JAK3: variants seen among roughly 807,000 people sequenced by gnomAD.
JAK3 encodes tyrosine-protein kinase JAK3.
Under a neutral mutation model 120.8 loss-of-function variants are expected in JAK3, and 88 were observed. That is an observed-to-expected ratio of 0.73 (90% confidence interval 0.61 to 0.87). The LOEUF (loss-of-function observed/expected upper bound fraction) is 0.87, where lower values mean the gene tolerates loss of function less well. Ranked by LOEUF, JAK3 falls within the 40% of genes least tolerant of loss-of-function variation. The probability of loss-of-function intolerance (pLI) is 0.00; values close to 1 mark genes in which losing one functional copy is unlikely to be tolerated. For missense variants in JAK3, 1,254 were observed against 1,501.4 expected, an observed-to-expected ratio of 0.84 and a Z score of 2.72; for synonymous variants, 592 against 628.6, an observed-to-expected ratio of 0.94 and a Z score of 0.87.
intron 23 of JAK3, among the ~76,000 whole-genome samples, chr19:17,827,833 C>T (rs1415206634): frequency 6.9e-6 from 1 of 144,612 alleles, no homozygotes; most frequent in East Asian, 2.1e-4. Flanking sequence ...ACCTGGGAGG[C>T]GGAAGTTGTG....
At chr19:17,847,648 C>T (rs1443875830) in intron 1 of JAK3, among the ~76,000 whole-genome samples, 1 of 152,146 alleles carries the variant, frequency 6.6e-6, no homozygotes, top group Non-Finnish European at 1.5e-5. Flanking sequence ...CCCCCAATCC[C>T]TCCTTCCCAA....
rs2094233493 is a variant in JAK3, at chr19:17,839,750, T to C, written c.1255-87A>G. The C allele has an allele frequency of 2.4e-6, 3 of 1,276,126 alleles. No homozygotes were observed. In the East Asian group the frequency reaches 7.5e-5, roughly 32 times the overall value. 79.1% of individuals were successfully genotyped at this position (1,276,126 alleles called of 1,614,324 possible). Reference sequence around the variant, plus strand: ...CTTCCTTTTTTTTCTTTTTTTTTTTTTTTTTTTGGAGACGGAGTCTGGCTC... The same window carrying C: ...CTTCCTTTTTTTTCTTTTTTTTTTTCTTTTTTTGGAGACGGAGTCTGGCTC... On this transcript the variant is annotated intron_variant, in intron 9 of 23. Coordinates refer to ENST00000458235, the MANE Select transcript of JAK3 (RefSeq NM_000215.4).
At position 17,835,937 on chromosome 19, in the gene JAK3, G is replaced by C. The variant is rs746090112; in HGVS notation, c.1901C>G (p.Ala634Gly). The C allele has an allele frequency of 1.2e-6, 2 of 1,613,870 alleles. No homozygotes were observed. Among genetic ancestry groups the C allele is most frequent in the Non-Finnish European group, 1.7e-6 (2 of 1,180,052 alleles). The change falls in exon 14 of 24, where the codon GCC (alanine) becomes GGC (glycine). Residue 634 changes from alanine to glycine, a missense_variant. By Grantham distance (60) the Ala-to-Gly change is moderately conservative. Coordinates refer to ENST00000458235, the MANE Select transcript of JAK3 (RefSeq NM_000215.4). ...KLQVVKQLAY[A>G]LNYLEDKGLP... ...AGGAGCACTCACCAGATAGTTGAGG[G>C]CGTAGGCCAGCTGTTTGACCACCTG...
chr19:17,844,608 G>A, intron 1 of JAK3, 178 bp from the exon 2 acceptor site: 1 of 604,886 alleles, frequency 1.7e-6, no homozygotes, highest in Non-Finnish European at 2.9e-6. Flanking sequence ...AGACCTGCCT[G>A]GCCAACATGG....
At position 17,841,799 on chromosome 19, in the gene JAK3, CT is replaced by C. The variant is rs1321114071; in HGVS notation, c.862-38del. 1 of 1,598,254 alleles carries C rather than the reference CT, an allele frequency of 6.3e-7. No individual in the cohort carries two copies. The highest frequency in any genetic ancestry group is 1.3e-5 in the African/African-American group (1 of 74,818). ...GGGGAGTACCGAAGTGGGGGCCCAGCTGGACCCCGCCAAACCACGCCCATGA... is the reference window on the plus strand; with the variant it reads ...GGGGAGTACCGAAGTGGGGGCCCAGCGGACCCCGCCAAACCACGCCCATGA... On this transcript the variant is annotated intron_variant, in intron 6 of 23. Coordinates refer to ENST00000458235, the MANE Select transcript of JAK3 (RefSeq NM_000215.4). The surrounding 1 kb of genome is among the most constrained non-coding windows in gnomAD (Gnocchi z 4.1).
rs2094220561 is a variant in JAK3 at position 17,834,645 on chromosome 19, C to T, written c.2276G>A (p.Cys759Tyr). The part of the protein sequence containing the change: ...WTELALLIQQ[C>Y]MAYEPVQRPS... ...CCTCTGGACCGGCTCATAGGCCATGCACTGTTGAATCAGCAGGGCCAGCTC... is the reference window on the plus strand; with the variant it reads ...CCTCTGGACCGGCTCATAGGCCATGTACTGTTGAATCAGCAGGGCCAGCTC... The change falls in exon 17 of 24, where the codon TGC becomes TAC. Residue 759 changes from cysteine (C) to tyrosine (Y), a missense_variant. Physicochemically the swap from Cys to Tyr is radical, Grantham distance 194. This residue lies in a region of JAK3 where 630 missense variants were observed against 819.8 expected (regional missense o/e 0.77). Coordinates refer to ENST00000458235, the MANE Select transcript of JAK3 (RefSeq NM_000215.4). 1 of 1,613,974 alleles carries T rather than the reference C, an allele frequency of 6.2e-7. No homozygotes were observed.
In JAK3 at chr19:17,825,753, T is replaced by A. The variant is rs1163731739; in HGVS notation, c.*990A>T. 6.4e-6 allele frequency: 1 copy of A among 157,158 alleles called. No homozygotes were observed. The highest frequency in any genetic ancestry group is 1.4e-5 in the Non-Finnish European group (1 of 70,930). 9.7% of individuals were successfully genotyped at this position (157,158 alleles called of 1,614,324 possible). On this transcript the variant is annotated 3_prime_UTR_variant, in exon 24 of 24. Coordinates refer to ENST00000458235, the MANE Select transcript of JAK3 (RefSeq NM_000215.4). Reference sequence around the variant, plus strand: ...CGTCTCTACTAAAAATACAAAAAATTAGCCGGGTGTGGTGGCGGGCGCCTG... The same window carrying A: ...CGTCTCTACTAAAAATACAAAAAATAAGCCGGGTGTGGTGGCGGGCGCCTG...
At chr19:17,828,214 C>T (rs2094207614) in intron 23 of JAK3, among the ~76,000 whole-genome samples, 1 of 131,462 alleles carries the variant, frequency 7.6e-6, no homozygotes, top group Non-Finnish European at 1.6e-5. Context: ...TTATCACTAC[C>T]ATAATTTTGT....
At position 17,839,524 on chromosome 19, in the gene JAK3, T is replaced by C; in HGVS notation, c.1394A>G (p.Asp465Gly). ...GGAAGTGAGGGTCACTGCCACCCCA[T>C]CTACGTGCAGCCCCCCATCCCAGCA... The part of the protein sequence containing the change: ...ATCWDGGLHV[D>G]GVAVTLTSCC... The change falls in exon 10 of 24, where the codon GAT (aspartate) becomes GGT (glycine). Residue 465 changes from aspartate to glycine, a missense_variant. By Grantham distance (94) the Asp-to-Gly change is moderately conservative. Around this residue, in one of 3 missense-constraint regions of JAK3, gnomAD observed 486 missense variants for 503.0 expected, o/e 0.97. Coordinates refer to ENST00000458235, the MANE Select transcript of JAK3 (RefSeq NM_000215.4). 6.2e-7 allele frequency: 1 copy of C among 1,600,412 alleles called. No homozygotes were observed. Among genetic ancestry groups the C allele is most frequent in the Non-Finnish European group, 8.5e-7 (1 of 1,173,536 alleles).
At position 17,831,810 on chromosome 19, in the gene JAK3, AG is replaced by A; in HGVS notation, c.2681-13del. 1 of 1,612,650 alleles carries A rather than the reference AG, an allele frequency of 6.2e-7. No homozygotes were observed. Among genetic ancestry groups the A allele is most frequent in the Non-Finnish European group, 8.5e-7 (1 of 1,179,784 alleles). On this transcript the variant is annotated splice_polypyrimidine_tract_variant and intron_variant, in intron 19 of 23. Transcript: ENST00000458235. The surrounding 1 kb of genome is among the most constrained non-coding windows in gnomAD (Gnocchi z 5.1). ...CAGGCTCTGGCGGCCTGGAGAAGGC[AG>A]GATCTGTCACAGCAGGGCCCAGCCC...
chr19:17,842,494 T>A lies in JAK3; in HGVS notation c.683A>T (p.Gln228Leu). 1 of 1,599,394 alleles carries A rather than the reference T, an allele frequency of 6.3e-7. No homozygotes were observed. Among genetic ancestry groups the A allele is most frequent in the Non-Finnish European group, 8.5e-7 (1 of 1,173,780 alleles). ...GGCCATGAGCGAGTGCCGGTCTGCCTGGCAGGCGGCCACGCGGCGCAGGGC... is the reference window on the plus strand; with the variant it reads ...GGCCATGAGCGAGTGCCGGTCTGCCAGGCAGGCGGCCACGCGGCGCAGGGC... ...RRALRRVAAC[Q>L]ADRHSLMAKY... Residue 228 changes from glutamine (Q) to leucine (L), a missense_variant, in exon 6 of 24, where the codon CAG (glutamine) becomes CTG (leucine). By Grantham distance (113) the Gln-to-Leu change is moderately radical. Coordinates refer to ENST00000458235, the MANE Select transcript of JAK3 (RefSeq NM_000215.4). The surrounding 1 kb of genome is among the most constrained non-coding windows in gnomAD (Gnocchi z 6.4).
rs753824471 is a variant in JAK3 at position 17,826,787 on chromosome 19, T to C, written c.3331A>G (p.Thr1111Ala). 1.9e-6 allele frequency: 3 copies of C among 1,613,862 alleles called. No individual in the cohort carries two copies. The highest frequency in any genetic ancestry group is 1.7e-6 in the Non-Finnish European group (2 of 1,179,978). Residue 1111 changes from threonine to alanine, a missense_variant, in exon 24 of 24, where the codon ACT becomes GCT. Thr to Ala is a moderately conservative substitution (Grantham distance 58, BLOSUM62 0). Around this residue, in one of 3 missense-constraint regions of JAK3, gnomAD observed 630 missense variants for 819.8 expected, o/e 0.77. Transcript: ENST00000458235. ...GSRGCETHAFTAHPEGKHHSL... is the reference protein window; with the variant it reads ...GSRGCETHAFAAHPEGKHHSL... ...TGGTGTTTGCCCTCTGGGTGAGCAGTGAAGGCATGAGTCTCACACCCCCGG... is the reference window on the plus strand; with the variant it reads ...TGGTGTTTGCCCTCTGGGTGAGCAGCGAAGGCATGAGTCTCACACCCCCGG...
At chr19:17,834,489 T>C in intron 17 of JAK3, 82 bp downstream of exon 17, 2 of 1,524,880 alleles carry the variant, frequency 1.3e-6, no homozygotes, top group South Asian at 2.3e-5. Flanking sequence ...ACACAGGGCG[T>C]GGCCTGCTGC....
rs1442263091 is a variant in JAK3, at chr19:17,834,506, C to T, written c.2350+65G>A. 79 of 1,598,844 alleles carry T rather than the reference C, an allele frequency of 4.9e-5. 1 individual carries two copies. The East Asian group carries it at 8.3e-4, about 17-fold the overall frequency. ...ACAGGGCGTGGCCTGCTGCAAACCA[C>T]GCTCCTTCCACTGGGCCCAATATGA... On this transcript the variant is annotated intron_variant, in intron 17 of 23. Coordinates refer to ENST00000458235, the MANE Select transcript of JAK3 (RefSeq NM_000215.4).
At position 17,842,261 on chromosome 19, in the gene JAK3, C is replaced by CA; in HGVS notation, c.861+54_861+55insT. 1.0e-5 allele frequency: 15 copies of CA among 1,443,560 alleles called. No individual in the cohort carries two copies. Among genetic ancestry groups the CA allele is most frequent in the African/African-American group, 1.4e-5 (1 of 70,498 alleles). 89.4% of individuals were successfully genotyped at this position (1,443,560 alleles called of 1,614,324 possible). A position where few individuals can be genotyped will look rare whatever the true frequency, so the allele number is the denominator to read the frequency against. Reference sequence around the variant, plus strand: ...CACATCCCCTACCACTCTCCGGCCCCTCCCCGAGCCCCGCCCCCACGTTGG... The same window carrying CA: ...CACATCCCCTACCACTCTCCGGCCCCATCCCCGAGCCCCGCCCCCACGTTGG... On this transcript the variant is annotated intron_variant, in intron 6 of 23. Transcript: ENST00000458235. This position sits in a 1 kb window ranked among gnomAD's most constrained non-coding sequence, Gnocchi z 6.4.
In JAK3 at chr19:17,843,668, T is replaced by G; in HGVS notation, c.308+109A>C. 2.1e-6 allele frequency: 3 copies of G among 1,423,350 alleles called. No homozygotes were observed. Among genetic ancestry groups the G allele is most frequent in the Non-Finnish European group, 3.0e-6 (3 of 1,008,082 alleles). The allele number at this position is 1,423,350 out of a possible 1,614,324, so 88.2% of individuals were successfully genotyped here. A position where few individuals can be genotyped will look rare whatever the true frequency, so the allele number is the denominator to read the frequency against. On this transcript the variant is annotated intron_variant, in intron 3 of 23. Transcript: ENST00000458235. This position sits in a 1 kb window ranked among gnomAD's most constrained non-coding sequence, Gnocchi z 5.4. Reference sequence around the variant, plus strand: ...ACCCTCTCTGGTCTGTTTCCTCATCTGAGAAATGGGTAGTGACCATACCTC... The same window carrying G: ...ACCCTCTCTGGTCTGTTTCCTCATCGGAGAAATGGGTAGTGACCATACCTC...
At position 17,835,962 on chromosome 19, in the gene JAK3, G is replaced by A. The variant is rs2147684182; in HGVS notation, c.1876C>T (p.Gln626Ter). 3 of 1,614,088 alleles carry A rather than the reference G, an allele frequency of 1.9e-6. No homozygotes were observed. The highest frequency in any genetic ancestry group is 2.5e-6 in the Non-Finnish European group (3 of 1,180,032). The part of the protein sequence containing the change: ...GHLVPASWKL[Q>*]VVKQLAYALN... ...GCGTAGGCCAGCTGTTTGACCACCT[G>A]CAGCTTCCAGCTGGCTGGCACCAGG... Residue 626 changes from glutamine (Q) to a stop codon, truncating the protein, a stop_gained, in exon 14 of 24, where the codon CAG becomes TAG. Coordinates refer to ENST00000458235, the MANE Select transcript of JAK3 (RefSeq NM_000215.4). LOFTEE classifies it high-confidence loss of function.
chr19:17,825,360 C>T lies in JAK3; in HGVS notation c.*1383G>A. ...AAGTTCCTGCCAGGTTTGGTGTCAT[C>T]CCTTTGTGCCCCTTGTAGGGTGAGG... is the stretch of plus-strand genomic sequence containing the variant. On this transcript the variant is annotated 3_prime_UTR_variant, in exon 24 of 24. Transcript: ENST00000458235. 1 of 225,418 alleles carries T rather than the reference C, an allele frequency of 4.4e-6. No homozygotes were observed. The highest frequency in any genetic ancestry group is 8.8e-6 in the Non-Finnish European group (1 of 113,186). 14.0% of individuals were successfully genotyped at this position (225,418 alleles called of 1,614,324 possible).
chr19:17,832,335 C>T lies in JAK3; in HGVS notation c.2680+184G>A, dbSNP rs2094215876. On this transcript the variant is annotated intron_variant, in intron 19 of 23. Transcript: ENST00000458235. The surrounding 1 kb of genome is among the most constrained non-coding windows in gnomAD (Gnocchi z 4.7). Reference sequence around the variant, plus strand: ...CATTTTTCAGCTGGAGAAACTGAGGCTCAGAAAAGTTAAGGTTTCACAACT... The same window carrying T: ...CATTTTTCAGCTGGAGAAACTGAGGTTCAGAAAAGTTAAGGTTTCACAACT... 6.6e-6 allele frequency among the ~76,000 whole-genome samples: 1 copy of T among 152,116 alleles called. No homozygotes were observed. Among genetic ancestry groups the T allele is most frequent in the African/African-American group, 2.4e-5 (1 of 41,414 alleles).
Sources: gnomAD v4.1 joint callset for allele counts (sites outside exome capture counted in the v4.1 genomes callset) on GRCh38, gnomAD v4.1.1 for gene constraint, gnomAD v4.1.1 regional missense constraint, Gnocchi (gnomAD v3.1) non-coding constraint, MANE v1.5 for transcripts, NCBI Gene and HGNC (gene_info 2026-07-23, HGNC 2026-07-21) for gene names.